Variants in ATF7IP2 observed in about 807,000 individuals in gnomAD.
ATF7IP2 encodes activating transcription factor 7 interacting protein 2.
Under a neutral mutation model 64.2 loss-of-function variants are expected in ATF7IP2, and 42 were observed. The ratio of observed to expected loss-of-function variants is 0.65; its 90% CI spans 0.51 to 0.85. The LOEUF (loss-of-function observed/expected upper bound fraction) is 0.85, where lower values mean the gene tolerates loss of function less well. Ranked by LOEUF, ATF7IP2 falls within the 40% of genes least tolerant of loss-of-function variation. The probability of loss-of-function intolerance (pLI) is 0.00; values close to 1 mark genes in which losing one functional copy is unlikely to be tolerated. For synonymous variants in ATF7IP2, 308 were observed against 272.8 expected (o/e 1.13, Z -1.27); for missense variants, 933 against 784.2 (o/e 1.19, Z -2.27).
chr16:10,433,743 C>A (rs759459067), intron 6 of ATF7IP2, 94 bp downstream of exon 6: 2 of 1,401,280 alleles, frequency 1.4e-6, no homozygotes, highest in Non-Finnish European at 2.0e-6. Flanking sequence ...ATAATACAGA[C>A]GACTTTCACT....
At chr16:10,389,027 A>G (rs1260645337) in intron 1 of ATF7IP2, among the ~76,000 whole-genome samples, 3 of 151,780 alleles carry the variant, frequency 2.0e-5, no homozygotes, top group African/African-American at 7.3e-5. Flanking sequence ...AAAAAAAATT[A>G]TAGTGGGAAA....
chr16:10,431,788 G>T (rs527246868), intron 5 of ATF7IP2, among the ~76,000 whole-genome samples: 17 of 149,596 alleles, frequency 1.1e-4, no homozygotes, highest in African/African-American at 3.7e-4. Context: ...AGTTGAAAGA[G>T]TGAGTTTTAA....
chr16:10,481,669 C>G (rs2050235214), intron 13 of ATF7IP2, among the ~76,000 whole-genome samples, 167 bp from the exon 14 acceptor site: 1 of 152,174 alleles, frequency 6.6e-6, no homozygotes, highest in African/African-American at 2.4e-5. Context: ...ATATAGAAAT[C>G]TTAAATCCAA....
At chr16:10,427,785 G>A (rs1386067313) in intron 3 of ATF7IP2, among the ~76,000 whole-genome samples, 1 of 151,752 alleles carries the variant, frequency 6.6e-6, no homozygotes, top group African/African-American at 2.4e-5. Context: ...CTTGAGCCTG[G>A]GAGGCTGAAG....
At chr16:10,407,789 C>G (rs1440522430) in intron 1 of ATF7IP2, among the ~76,000 whole-genome samples, 1 of 152,294 alleles carries the variant, frequency 6.6e-6, no homozygotes, top group African/African-American at 2.4e-5. Context: ...TCCCTCATCA[C>G]CCTTTCCCCT....
intron 8 of ATF7IP2, among the ~76,000 whole-genome samples, chr16:10,453,533 T>C (rs1008912624): frequency 6.6e-6 from 1 of 152,234 alleles, no homozygotes; most frequent in Admixed American, 6.5e-5. Context: ...TATTCAGCCA[T>C]CTTGCCAGCA....
chr16:10,426,348 C>T (rs999681308), intron 3 of ATF7IP2, among the ~76,000 whole-genome samples: 1 of 152,154 alleles, frequency 6.6e-6, no homozygotes, highest in African/African-American at 2.4e-5. Flanking sequence ...TGAACGGGTT[C>T]TATGATAGGC....
In ATF7IP2 at chr16:10,480,909, C is replaced by T. The variant is rs34834862; in HGVS notation, c.1580C>T (p.Ser527Leu). The T allele has an allele frequency of 3.6e-4, 578 of 1,613,052 alleles. 2 individuals are homozygous for T. In the African/African-American group the frequency reaches 7.1e-3, roughly 20 times the overall value. Residue 527 changes from serine (S) to leucine (L), a missense_variant, in exon 13 of 14, where the codon TCG becomes TTG. Ser to Leu is a moderately radical substitution (Grantham distance 145, BLOSUM62 -2). Transcript: ENST00000562102. ...ESPVSPLESH[S>L]KAASNSKETT... Reference sequence around the variant, plus strand: ...CCAGTATCCCCCCTGGAGTCACATTCGAAAGCTGCTTCAAACTCAAAGGAA... The same window carrying T: ...CCAGTATCCCCCCTGGAGTCACATTTGAAAGCTGCTTCAAACTCAAAGGAA...
At chr16:10,409,497 T>G (rs1194814116) in intron 1 of ATF7IP2, among the ~76,000 whole-genome samples, 1 of 151,326 alleles carries the variant, frequency 6.6e-6, no homozygotes, top group Non-Finnish European at 1.5e-5. Context: ...CTTGATCCAT[T>G]TTTTTTTTAT....
intron 6 of ATF7IP2, among the ~76,000 whole-genome samples, chr16:10,435,057 C>T (rs1284268881): frequency 2.0e-5 from 3 of 152,152 alleles, no homozygotes; most frequent in South Asian, 2.1e-4. Context: ...TGTGAGCCAC[C>T]GCGCCCAGCC....
In ATF7IP2 at chr16:10,394,742, T is replaced by A. The variant is rs535242231; in HGVS notation, c.-242+8620T>A. Among the ~76,000 whole-genome samples, 82 of 152,272 alleles carry A rather than the reference T, an allele frequency of 5.4e-4. No individual in the cohort carries two copies. The Middle Eastern group carries it at 0.01, about 19-fold the overall frequency. On this transcript the variant is annotated intron_variant, in intron 1 of 13. Coordinates refer to ENST00000562102, the MANE Select transcript of ATF7IP2 (RefSeq NM_001393719.1). Reference sequence around the variant, plus strand: ...GAGAAATTTACAAATATGTTGAAATTAACACTCCTAAATAATGGGTCAAAG... The same window carrying A: ...GAGAAATTTACAAATATGTTGAAATAAACACTCCTAAATAATGGGTCAAAG...
intron 8 of ATF7IP2, among the ~76,000 whole-genome samples, chr16:10,444,574 G>C (rs74538724): frequency 6.6e-6 from 1 of 152,324 alleles, no homozygotes; most frequent in East Asian, 1.9e-4. Flanking sequence ...AGTTCGAATA[G>C]AAGATAGACC....
chr16:10,438,280 T>G, intron 7 of ATF7IP2, 45 bp downstream of exon 7: 1 of 1,557,426 alleles, frequency 6.4e-7, no homozygotes, highest in Non-Finnish European at 8.7e-7. Context: ...GAGTAGGGGG[T>G]GTTGTTGCTC....
intron 12 of ATF7IP2, among the ~76,000 whole-genome samples, chr16:10,476,508 A>G (rs1171349683): frequency 6.6e-6 from 1 of 151,302 alleles, no homozygotes; most frequent in Non-Finnish European, 1.5e-5. Context: ...GTTTTTTTTT[A>G]AACTTTATGT....
At chr16:10,442,424 G>A (rs563490665) in intron 8 of ATF7IP2, among the ~76,000 whole-genome samples, 3 of 152,296 alleles carry the variant, frequency 2.0e-5, no homozygotes, top group African/African-American at 7.2e-5. Flanking sequence ...AGTAGGGGCT[G>A]TTTTTATAAG....
chr16:10,406,315 G>C (rs1012592883), intron 1 of ATF7IP2, among the ~76,000 whole-genome samples: 2 of 151,966 alleles, frequency 1.3e-5, no homozygotes, highest in African/African-American at 4.8e-5. Flanking sequence ...CACGTTGCTT[G>C]GGCTGGTCTT....
At chr16:10,387,696 T>A (rs2047229233) in intron 1 of ATF7IP2, 1 of 152,238 alleles carries the variant, frequency 6.6e-6, no homozygotes, top group Non-Finnish European at 1.5e-5. Context: ...AATCAAAGTT[T>A]AATATATTGG....
At chr16:10,439,467 C>A (rs1482632575) in intron 7 of ATF7IP2, among the ~76,000 whole-genome samples, 1 of 151,234 alleles carries the variant, frequency 6.6e-6, no homozygotes, top group Non-Finnish European at 1.5e-5. Flanking sequence ...ATCTCCTGAC[C>A]TCATGATCCG....
chr16:10,392,056 C>CT (rs369793123), intron 1 of ATF7IP2, among the ~76,000 whole-genome samples: 72,191 of 126,070 alleles, frequency 0.57, 20,979 homozygotes, highest in East Asian at 0.67. Flanking sequence ...GTTGTATTAT[C>CT]TTTTTTTTTT....
Sources: gnomAD v4.1 joint callset for allele counts (sites outside exome capture counted in the v4.1 genomes callset) on GRCh38, gnomAD v4.1.1 for gene constraint, MANE v1.5 for transcripts, NCBI Gene and HGNC (gene_info 2026-07-23, HGNC 2026-07-21) for gene names.